Variants in EGF observed in about 807,000 individuals in gnomAD.
EGF encodes the protein pro-epidermal growth factor.
EGF carries 95 observed loss-of-function variants against 143.8 expected under a neutral mutation model. The ratio of observed to expected loss-of-function variants is 0.66; its 90% CI spans 0.56 to 0.78. EGF has a LOEUF of 0.78. Ranked by LOEUF, EGF falls within the 30% of genes least tolerant of loss-of-function variation. The probability of loss-of-function intolerance (pLI) is 0.00; values close to 1 mark genes in which losing one functional copy is unlikely to be tolerated. For synonymous variants in EGF, 510 were observed against 510.5 expected (o/e 1.00, Z 0.01); for missense variants, 1,320 against 1,470.9 (o/e 0.90, Z 1.68).
intron 17 of EGF, 51 bp downstream of exon 17, chr4:109,987,911 A>AT (rs761995620): frequency 1.2e-4 from 166 of 1,401,508 alleles, no homozygotes; most frequent in Middle Eastern, 1.8e-4. Context: ...AACCAGAAAC[A>AT]TTTTTTCTGC....
At chr4:109,983,281 C>T in intron 15 of EGF, 141 bp from the exon 16 acceptor site, 1 of 953,354 alleles carries the variant, frequency 1.0e-6, no homozygotes, top group Non-Finnish European at 1.6e-6. Context: ...TTACCAAGAC[C>T]CTGACAGTTT....
At chr4:109,945,322 C>G in intron 5 of EGF, 47 bp downstream of exon 5, 1 of 1,575,272 alleles carries the variant, frequency 6.3e-7, no homozygotes, top group Non-Finnish European at 8.7e-7. Flanking sequence ...TAGTTCCCAC[C>G]CATTCACCTG....
At position 109,913,404 on chromosome 4, in the gene EGF, G is replaced by C; in HGVS notation, c.69G>C (p.Pro23=). The change falls in exon 1 of 24, where the codon CCG becomes CCC. Residue 23 remains proline, a synonymous_variant. Transcript: ENST00000265171. ...SKFSFVSLSA[P]QHWSCPEGTL... is the part of the protein sequence containing the mutation. Reference sequence around the variant, plus strand: ...TTAGTTTTGTTAGTCTCTCAGCACCGCAGCACTGGAGCTGTCCTGAAGGTA... The same window carrying C: ...TTAGTTTTGTTAGTCTCTCAGCACCCCAGCACTGGAGCTGTCCTGAAGGTA... 1 of 1,613,890 alleles carries C rather than the reference G, an allele frequency of 6.2e-7. No individual in the cohort carries two copies.
chr4:110,005,133 A>T (rs1428300133), intron 22 of EGF, among the ~76,000 whole-genome samples: 1 of 143,548 alleles, frequency 7.0e-6, no homozygotes, highest in Non-Finnish European at 1.5e-5. Flanking sequence ...GCAGCCTCGA[A>T]CTCCTGGGCT....
chr4:109,961,097 T>A, intron 7 of EGF, 108 bp downstream of exon 7: 1 of 1,275,160 alleles, frequency 7.8e-7, no homozygotes, highest in Non-Finnish European at 1.1e-6. Flanking sequence ...GTGTGCATCA[T>A]AATTACCTTT....
rs373459185 is a variant in EGF at position 109,945,362 on chromosome 4, GA to G, written c.940+95del. The G allele has an allele frequency of 1.3e-4, 174 of 1,368,884 alleles. No homozygotes were observed. In the East Asian group the frequency reaches 1.8e-3, roughly 14 times the overall value. The allele number at this position is 1,368,884 out of a possible 1,614,324, so 84.8% of individuals were successfully genotyped here. ...AGCCAGACAATGAGGCGTTGTAGGGGAAAAAAAATTTTTTTCTTCAACCCTC... is the reference window on the plus strand; with the variant it reads ...AGCCAGACAATGAGGCGTTGTAGGGGAAAAAAATTTTTTTCTTCAACCCTC... On this transcript the variant is annotated intron_variant, in intron 5 of 23. Coordinates refer to ENST00000265171, the MANE Select transcript of EGF (RefSeq NM_001963.6).
rs759992344 is a variant in EGF at position 109,961,919 on chromosome 4, T to C, written c.1246T>C (p.Ser416Pro). 8.7e-6 allele frequency: 14 copies of C among 1,614,010 alleles called. No individual in the cohort carries two copies. The highest frequency in any genetic ancestry group is 6.7e-5 in the Admixed American group (4 of 60,006). ...SECSHDCVLT[S>P]EGPLCFCPEG... ...ATGCAGCCATGACTGTGTTCTGACA[T>C]CAGAAGGTCCCTTATGTTTCTGTCC... Residue 416 changes from serine to proline, a missense_variant, in exon 8 of 24, where the codon TCA becomes CCA. Around this residue, in one of 5 missense-constraint regions of EGF, gnomAD observed 1,186 missense variants for 1,313.7 expected, o/e 0.90. Coordinates refer to ENST00000265171, the MANE Select transcript of EGF (RefSeq NM_001963.6).
Position 109,974,766 on chromosome 4 carries a change from C to A in EGF, c.1788C>A (p.Asn596Lys). ...GTTCCAAAATAATCACTAAGGAGAA[C>A]ATCTCTCAACCACGAGGAATTGCTG... ...GKRSKIITKENISQPRGIAVH... is the reference protein window; with the variant it reads ...GKRSKIITKEKISQPRGIAVH... Residue 596 changes from asparagine to lysine, a missense_variant, in exon 12 of 24, where the codon AAC becomes AAA. By Grantham distance (94) the Asn-to-Lys change is moderately conservative. Transcript: ENST00000265171. 1.9e-6 allele frequency: 3 copies of A among 1,613,606 alleles called. No individual in the cohort carries two copies. Among genetic ancestry groups the A allele is most frequent in the Non-Finnish European group, 2.5e-6 (3 of 1,179,646 alleles).
Position 110,006,809 on chromosome 4 carries a change from C to T in EGF, c.3292-1343C>T, listed in dbSNP as rs186374666. Among the ~76,000 whole-genome samples the T allele has an allele frequency of 3.2e-3, 483 of 152,326 alleles. 9 individuals carry two copies. Among genetic ancestry groups the T allele is most frequent in the Non-Finnish European group, 1.7e-3 (115 of 68,038 alleles). ...GCTGCTGAGCTCAGTCCCCCACAGC[C>T]GTCATAACTGTCGTTGACAGCAACT... On this transcript the variant is annotated intron_variant, in intron 22 of 23. Coordinates refer to ENST00000265171, the MANE Select transcript of EGF (RefSeq NM_001963.6).
At chr4:109,994,219 C>A (rs1751451567) in intron 19 of EGF, among the ~76,000 whole-genome samples, 1 of 152,078 alleles carries the variant, frequency 6.6e-6, no homozygotes, top group East Asian at 1.9e-4. Flanking sequence ...TTCTTCCTGC[C>A]AGAGTTGCTA....
Position 109,953,652 on chromosome 4 carries a change from A to T in EGF, c.941-5660A>T, listed in dbSNP as rs559001184. ...TCACTGTAATTATTACCATTTTGAT[A>T]CTCAAATTGTACTATCTTTCTCTGG... On this transcript the variant is annotated intron_variant, in intron 5 of 23. Coordinates refer to ENST00000265171, the MANE Select transcript of EGF (RefSeq NM_001963.6). Among the ~76,000 whole-genome samples, 47 of 152,288 alleles carry T rather than the reference A, an allele frequency of 3.1e-4. No individual in the cohort carries two copies. In the South Asian group the frequency reaches 9.5e-3, roughly 31 times the overall value.
chr4:109,913,413 G>A lies in EGF; in HGVS notation c.78G>A (p.Trp26Ter). Residue 26 changes from tryptophan to a stop codon, truncating the protein, a stop_gained, in exon 1 of 24, where the codon TGG becomes TGA. Coordinates refer to ENST00000265171, the MANE Select transcript of EGF (RefSeq NM_001963.6). LOFTEE classifies it high-confidence loss of function. ...TTAGTCTCTCAGCACCGCAGCACTG[G>A]AGCTGTCCTGAAGGTACTCTCGCAG... ...SFVSLSAPQH[W>*]SCPEGTLAGN... 1 of 1,613,944 alleles carries A rather than the reference G, an allele frequency of 6.2e-7. No homozygotes were observed. Among genetic ancestry groups the A allele is most frequent in the South Asian group, 1.1e-5 (1 of 91,074 alleles).
At chr4:109,914,109 G>T (rs1436489758) in intron 1 of EGF, among the ~76,000 whole-genome samples, 1 of 152,140 alleles carries the variant, frequency 6.6e-6, no homozygotes, top group African/African-American at 2.4e-5. Context: ...CATATTAAAT[G>T]AATTTTTTGC....
At chr4:109,958,470 T>C (rs1016888440) in intron 5 of EGF, among the ~76,000 whole-genome samples, 25 of 152,150 alleles carry the variant, frequency 1.6e-4, no homozygotes, top group African/African-American at 5.8e-4. Context: ...TTACTGTTTA[T>C]TATGGAATAT....
At chr4:110,007,323 C>G (rs1753437826) in intron 22 of EGF, among the ~76,000 whole-genome samples, 1 of 152,222 alleles carries the variant, frequency 6.6e-6, no homozygotes, top group African/African-American at 2.4e-5. Context: ...GCGCCCATTT[C>G]TGAACCAATG....
intron 1 of EGF, among the ~76,000 whole-genome samples, chr4:109,924,667 C>T (rs192207539): frequency 2.0e-5 from 3 of 152,248 alleles, no homozygotes; most frequent in East Asian, 1.9e-4. Context: ...GTGGCTCAGA[C>T]GCCTTCCTAC....
chr4:109,969,417 C>T (rs770099515), intron 11 of EGF, among the ~76,000 whole-genome samples: 1 of 151,886 alleles, frequency 6.6e-6, no homozygotes, highest in Non-Finnish European at 1.5e-5. Context: ...AACACATGGA[C>T]AGAGGGAGGG....
Position 109,987,836 on chromosome 4 carries a change from G to T in EGF, c.2584G>T (p.Ala862Ser), listed in dbSNP as rs779866555. The change falls in exon 17 of 24, where the codon GCT (alanine) becomes TCT (serine). Residue 862 changes from alanine (A) to serine (S), a missense_variant. By Grantham distance (99) the Ala-to-Ser change is moderately conservative. Transcript: ENST00000265171. ...CACATGTCAGTGTTTGAAAGGATTT[G>T]CTGGGGATGGAAAACTATGTTCTGG... Reference protein sequence around the residue: ...DATCQCLKGFAGDGKLCSDID... With the variant: ...DATCQCLKGFSGDGKLCSDID... 6 of 1,613,804 alleles carry T rather than the reference G, an allele frequency of 3.7e-6. No individual in the cohort carries two copies. Among genetic ancestry groups the T allele is most frequent in the South Asian group, 1.1e-5 (1 of 91,084 alleles).
chr4:110,013,583 G>A lies in EGF; in HGVS notation c.*2128G>A, dbSNP rs992931203. Among the ~76,000 whole-genome samples the A allele has an allele frequency of 6.6e-6, 1 of 152,096 alleles. No homozygotes were observed. The highest frequency in any genetic ancestry group is 1.9e-4 in the East Asian group (1 of 5,180). On this transcript the variant is annotated 3_prime_UTR_variant, in exon 24 of 24. Transcript: ENST00000265171. ...TTTAAAAATTCAAGTTTTAAGAACA[G>A]CATTTTCATGTAAAAACTTGATTTG...
Sources: gnomAD v4.1 joint callset for allele counts (sites outside exome capture counted in the v4.1 genomes callset) on GRCh38, gnomAD v4.1.1 for gene constraint, gnomAD v4.1.1 regional missense constraint, MANE v1.5 for transcripts, NCBI Gene and HGNC (gene_info 2026-07-23, HGNC 2026-07-21) for gene names.